The following CPSF2 variants were observed in gnomAD, a reference collection of about 807,000 sequenced individuals.
The protein encoded by CPSF2 is cleavage and polyadenylation specificity factor subunit 2.
Under a neutral mutation model 84.2 loss-of-function variants are expected in CPSF2, and 51 were observed. That is an observed-to-expected ratio of 0.61 (90% CI 0.48 to 0.77). The LOEUF (loss-of-function observed/expected upper bound fraction) is 0.77. CPSF2 is among the 30% of genes least tolerant of loss of function. The pLI, the probability that CPSF2 is intolerant of heterozygous loss-of-function variation, is 0.00. For synonymous variants in CPSF2, 286 were observed against 311.9 expected, an observed-to-expected ratio of 0.92 and a Z score of 0.87; for missense variants, 641 against 929.4, an observed-to-expected ratio of 0.69 and a Z score of 4.03.
chr14:92,161,366 T>C (rs2025070), intron 15 of CPSF2, 120 bp downstream of exon 15: 219,645 of 1,189,698 alleles, frequency 0.18, 23,440 homozygotes, highest in East Asian at 0.51. Flanking sequence ...TTTATATTCA[T>C]GATCATGACC....
At position 92,131,149 on chromosome 14, in the gene CPSF2, T is replaced by C; in HGVS notation, c.149+16T>C. On this transcript the variant is annotated intron_variant, in intron 3 of 15. Coordinates refer to ENST00000298875, the MANE Select transcript of CPSF2 (RefSeq NM_017437.3). ...CCCTGAGGAAGTAAGTTACATTTCA[T>C]AATTCTATGTTTTTATTAAATCAAC... The C allele has an allele frequency of 6.3e-7, 1 of 1,578,868 alleles. No homozygotes were observed. The highest frequency in any genetic ancestry group is 8.6e-7 in the Non-Finnish European group (1 of 1,158,840).
intron 2 of CPSF2, among the ~76,000 whole-genome samples, chr14:92,129,624 G>GCTACATTA (rs1444472934): frequency 1.3e-5 from 2 of 152,132 alleles, no homozygotes; most frequent in African/African-American, 4.8e-5. Context: ...ATGTTGCTGT[G>GCTACATTA]GAGTTGAACT....
intron 9 of CPSF2, among the ~76,000 whole-genome samples, chr14:92,152,455 T>C (rs12432871): frequency 0.099 from 14,955 of 151,310 alleles, 819 homozygotes; most frequent in East Asian, 0.15. Context: ...TTATTTATTT[T>C]TGAGCTGGAG....
chr14:92,152,010 CAAAAAA>C (rs60631190), intron 9 of CPSF2, among the ~76,000 whole-genome samples: 1 of 140,538 alleles, frequency 7.1e-6, no homozygotes, highest in Non-Finnish European at 1.6e-5. Flanking sequence ...GACCCTGTCT[CAAAAAA>C]AAAAAAAAAA....
At chr14:92,126,277 C>T (rs1376078257) in intron 2 of CPSF2, 97 bp downstream of exon 2, 3 of 152,104 alleles carry the variant, frequency 2.0e-5, no homozygotes, top group African/African-American at 7.2e-5. Context: ...GTCTGCAAAA[C>T]AGTTTTAATA....
chr14:92,133,700 A>C (rs1216247891), intron 3 of CPSF2, among the ~76,000 whole-genome samples: 2 of 151,202 alleles, frequency 1.3e-5, no homozygotes, highest in Non-Finnish European at 2.9e-5. Context: ...TCCTGAGCTC[A>C]AACGATTTGC....
chr14:92,155,174 G>A lies in CPSF2; in HGVS notation c.1293G>A (p.Gln431=). The A allele has an allele frequency of 6.2e-7, 1 of 1,613,988 alleles. No individual in the cohort carries two copies. Among genetic ancestry groups the A allele is most frequent in the Admixed American group, 1.7e-5 (1 of 60,012 alleles). Residue 431 remains glutamine (Q), a synonymous_variant, in exon 11 of 16, where the codon CAG becomes CAA. Coordinates refer to ENST00000298875, the MANE Select transcript of CPSF2 (RefSeq NM_017437.3). ...GTGATATTGAGGAAGATATTGACCAGCCATCAGCTCATAAGACGAAGCATG... is the reference window on the plus strand; with the variant it reads ...GTGATATTGAGGAAGATATTGACCAACCATCAGCTCATAAGACGAAGCATG... The part of the protein sequence containing the change: ...DESDIEEDID[Q]PSAHKTKHDL...
chr14:92,142,910 TAAA>T (rs2069096435), intron 8 of CPSF2, 91 bp from the exon 9 acceptor site: 1 of 1,113,690 alleles, frequency 9.0e-7, no homozygotes, highest in South Asian at 1.6e-5. Flanking sequence ...CCAGTGGGGG[TAAA>T]AGATAGAACT....
chr14:92,137,020 T>TA (rs55753639), intron 6 of CPSF2, among the ~76,000 whole-genome samples: 29,963 of 143,896 alleles, frequency 0.21, 3,317 homozygotes, highest in East Asian at 0.54. Flanking sequence ...AAACAACAAA[T>TA]AAAAAAAAAA....
intron 7 of CPSF2, among the ~76,000 whole-genome samples, chr14:92,140,620 G>A (rs1845949280): frequency 6.6e-6 from 1 of 151,690 alleles, no homozygotes; most frequent in Admixed American, 6.6e-5. Flanking sequence ...TTTTAGTAGA[G>A]ACGGGGTTTC....
chr14:92,154,489 A>G, intron 10 of CPSF2, 31 bp downstream of exon 10: 1 of 1,427,358 alleles, frequency 7.0e-7, no homozygotes, highest in South Asian at 1.3e-5. Context: ...TTATAAATTT[A>G]TGGATGCAAT....
At chr14:92,122,293 A>G (rs2068780508) in intron 1 of CPSF2, 165 bp downstream of exon 1, 1 of 223,876 alleles carries the variant, frequency 4.5e-6, no homozygotes, top group African/African-American at 2.3e-5. Context: ...GTGGTCAGCG[A>G]GGGAAAGAGA....
chr14:92,144,377 CCTT>C (rs1280874464), intron 9 of CPSF2, among the ~76,000 whole-genome samples: 1 of 152,276 alleles, frequency 6.6e-6, no homozygotes, highest in Non-Finnish European at 1.5e-5. Context: ...TTGCCTGTAA[CCTT>C]CTTATGGCTG....
intron 2 of CPSF2, among the ~76,000 whole-genome samples, chr14:92,126,709 G>A (rs2068849958): frequency 1.3e-5 from 2 of 152,056 alleles, no homozygotes; most frequent in South Asian, 4.1e-4. Flanking sequence ...AGGCTGAGGT[G>A]GGAGGATCAC....
Position 92,155,287 on chromosome 14 carries a change from A to T in CPSF2, c.1406A>T (p.Glu469Val). Reference sequence around the variant, plus strand: ...TATCCTATGTTTCCTGCCCCAGAAGAAAGAATTAAATGGGATGAATATGGA... The same window carrying T: ...TATCCTATGTTTCCTGCCCCAGAAGTAAGAATTAAATGGGATGAATATGGA... Reference protein sequence around the residue: ...KSYPMFPAPEERIKWDEYGEI... With the variant: ...KSYPMFPAPEVRIKWDEYGEI... The change falls in exon 11 of 16, where the codon GAA becomes GTA. Residue 469 changes from glutamate to valine, a missense_variant. Coordinates refer to ENST00000298875, the MANE Select transcript of CPSF2 (RefSeq NM_017437.3). The T allele has an allele frequency of 6.2e-7, 1 of 1,614,108 alleles. No homozygotes were observed. The highest frequency in any genetic ancestry group is 8.5e-7 in the Non-Finnish European group (1 of 1,179,974).
At chr14:92,141,358 G>A (rs1294667885) in intron 7 of CPSF2, among the ~76,000 whole-genome samples, 1 of 152,120 alleles carries the variant, frequency 6.6e-6, no homozygotes, top group African/African-American at 2.4e-5. Context: ...TTGAGGCAAA[G>A]TCTTTCTCTG....
chr14:92,170,605 C>G lies in CPSF2; in HGVS notation c.*8861C>G, dbSNP rs187856845. 1.3e-5 allele frequency: 2 copies of G among 152,322 alleles called. No homozygotes were observed. 9.4% of individuals were successfully genotyped at this position (152,322 alleles called of 1,614,324 possible). A position where few individuals can be genotyped will look rare whatever the true frequency, so the allele number is the denominator to read the frequency against. ...CATTTAGTTACATTTTCCCTTTAGT[C>G]TTCCTCAATCTGGAGCGGTTCCTTG... On this transcript the variant is annotated 3_prime_UTR_variant, in exon 16 of 16. Transcript: ENST00000298875.
At chr14:92,130,130 G>A (rs11844790) in intron 2 of CPSF2, among the ~76,000 whole-genome samples, 1,856 of 152,266 alleles carry the variant, frequency 0.012, 40 homozygotes, top group African/African-American at 0.042. Context: ...ATGTTGAAGC[G>A]TGCATCAGGT....
intron 9 of CPSF2, 116 bp from the exon 10 acceptor site, chr14:92,154,242 C>A: frequency 1.6e-6 from 1 of 617,484 alleles, no homozygotes; most frequent in Non-Finnish European, 2.7e-6. Flanking sequence ...TCAGAGGAAA[C>A]AATCAGTTTA....
Sources: gnomAD v4.1 joint callset for allele counts (sites outside exome capture counted in the v4.1 genomes callset) on GRCh38, gnomAD v4.1.1 for gene constraint, MANE v1.5 for transcripts, NCBI Gene and HGNC (gene_info 2026-07-23, HGNC 2026-07-21) for gene names.